GP2: variants seen among roughly 807,000 people sequenced by gnomAD.
GP2 encodes the protein pancreatic secretory granule membrane major glycoprotein GP2.
A neutral mutation model predicts 60.8 loss-of-function variants in GP2; 58 were observed. The observed-to-expected ratio is 0.95, with a 90% CI of 0.77 to 1.19. GP2 has a LOEUF of 1.19. Among genes scored for constraint, GP2 ranks in the 50% most tolerant of loss-of-function variants. GP2 has a pLI of 0.00. For missense variants in GP2, 647 were observed against 667.4 expected (o/e 0.97, Z 0.34); for synonymous variants, 280 against 253.4 (o/e 1.10, Z -1.00).
At chr16:20,319,589 A>G in intron 6 of GP2, 31 bp downstream of exon 6, 1 of 1,559,846 alleles carries the variant, frequency 6.4e-7, no homozygotes, top group Non-Finnish European at 8.8e-7. Context: ...TGCCAGGGTT[A>G]TGGGTCAAAG....
intron 6 of GP2, among the ~76,000 whole-genome samples, chr16:20,319,154 G>C (rs12051331): frequency 1.3e-5 from 2 of 151,858 alleles, no homozygotes; most frequent in Non-Finnish European, 2.9e-5. Context: ...TCTCACGTCT[G>C]CAGGGAAGCT....
chr16:20,316,947 C>A (rs1445846691), intron 8 of GP2, among the ~76,000 whole-genome samples: 2 of 148,882 alleles, frequency 1.3e-5, no homozygotes, highest in Non-Finnish European at 3.0e-5. Context: ...CCTTCCCTCC[C>A]TCCTTCTCCT....
intron 4 of GP2, among the ~76,000 whole-genome samples, chr16:20,321,717 C>T (rs962750009): frequency 3.9e-5 from 6 of 151,956 alleles, no homozygotes; most frequent in East Asian, 1.9e-4. Flanking sequence ...AGTTCAGAGG[C>T]GCAGGAACCT....
Position 20,320,363 on chromosome 16 carries a change from G to T in GP2, c.757C>A (p.Leu253Met), listed in dbSNP as rs1390353891. The T allele has an allele frequency of 6.2e-7, 1 of 1,613,910 alleles. No individual in the cohort carries two copies. The highest frequency in any genetic ancestry group is 8.5e-7 in the Non-Finnish European group (1 of 1,179,798). The change falls in exon 5 of 11, where the codon CTG (leucine) becomes ATG (methionine). Residue 253 changes from leucine to methionine, a missense_variant. Coordinates refer to ENST00000302555, the MANE Select transcript of GP2 (RefSeq NM_001502.4). ...ATGCTGCTGCAGTTTGGGTCTCGCA[G>T]GTAGGCAATGACCTCCTCCCCCAAA... ...LGLGEEVIAY[L>M]RDPNCSSILQ...
Position 20,324,120 on chromosome 16 carries a change from C to A in GP2, c.231G>T (p.Glu77Asp). 6.2e-7 allele frequency: 1 copy of A among 1,614,120 alleles called. No homozygotes were observed. The highest frequency in any genetic ancestry group is 8.5e-7 in the Non-Finnish European group (1 of 1,179,940). ...TLLDEPFRST[E>D]NSAGSQGCDK... is the part of the protein sequence containing the mutation. ...CGCACCCCTGGGACCCTGCTGAGTT[C>A]TCTGTGCTTCGGAAGGGTTCATCCA... The change falls in exon 3 of 11, where the codon GAG becomes GAT. Residue 77 changes from glutamate to aspartate, a missense_variant. Transcript: ENST00000302555.
At chr16:20,327,376 A>C (rs541341030) in intron 1 of GP2, 91 bp downstream of exon 1, 1 of 979,776 alleles carries the variant, frequency 1.0e-6, no homozygotes, top group Admixed American at 3.3e-5. Flanking sequence ...GGTTCTAAAA[A>C]TTTCCAGAAA....
intron 1 of GP2, chr16:20,326,748 T>C (rs922817399): frequency 5.6e-5 from 14 of 249,782 alleles, no homozygotes; most frequent in South Asian, 3.6e-4. Flanking sequence ...AGGGATATGG[T>C]ACCTGTGAAT....
chr16:20,319,775 C>CA lies in GP2; in HGVS notation c.859-8dup, dbSNP rs1300442715. 4 of 1,604,302 alleles carry CA rather than the reference C, an allele frequency of 2.5e-6. No homozygotes were observed. The highest frequency in any genetic ancestry group is 1.7e-6 in the Non-Finnish European group (2 of 1,173,444). On this transcript the variant is annotated splice_polypyrimidine_tract_variant and splice_region_variant and intron_variant, in intron 5 of 10. Transcript: ENST00000302555. ...TGGCATGGGTTTGATTTCTCTTTGG[C>CA]AAAAAAACAAAACCATACAGATGTT... is the stretch of plus-strand genomic sequence containing the variant.
intron 4 of GP2, among the ~76,000 whole-genome samples, chr16:20,321,241 T>C (rs1360670688): frequency 1.3e-5 from 2 of 152,098 alleles, no homozygotes; most frequent in Non-Finnish European, 2.9e-5. Flanking sequence ...TTCTGTATTT[T>C]TATAAAGATG....
At chr16:20,325,140 T>G (rs74011919) in intron 2 of GP2, among the ~76,000 whole-genome samples, 1 of 152,304 alleles carries the variant, frequency 6.6e-6, no homozygotes, top group Middle Eastern at 3.4e-3. Flanking sequence ...CACAGGCTGG[T>G]CAGGCTGAGT....
In GP2 at chr16:20,323,657, G is replaced by C. The variant is rs150829417; in HGVS notation, c.535+159C>G. The C allele has an allele frequency of 1.0e-3, 612 of 612,536 alleles. 7 individuals are homozygous for C. The East Asian group carries it at 0.013, about 13-fold the overall frequency. 37.9% of individuals were successfully genotyped at this position (612,536 alleles called of 1,614,324 possible). ...GAATTTCTGGCTTGAAATGTTGGAAGGTCTCAACCCCTGTGTTGAGTTCTC... is the reference window on the plus strand; with the variant it reads ...GAATTTCTGGCTTGAAATGTTGGAACGTCTCAACCCCTGTGTTGAGTTCTC... On this transcript the variant is annotated intron_variant, in intron 3 of 10. Transcript: ENST00000302555.
Position 20,318,219 on chromosome 16 carries a change from C to A in GP2, c.1219G>T (p.Ala407Ser). ...NCYATPTEDKADLVKYFIIRN... is the reference protein window; with the variant it reads ...NCYATPTEDKSDLVKYFIIRN... ...ATGATGAAATACTTCACAAGGTCAG[C>A]CTTGTCTTCAGTGGGGGTGGCATAG... Residue 407 changes from alanine (A) to serine (S), a missense_variant, in exon 7 of 11, where the codon GCT becomes TCT. By Grantham distance (99) the Ala-to-Ser change is moderately conservative. Transcript: ENST00000302555. 6.2e-7 allele frequency: 1 copy of A among 1,613,468 alleles called. No individual in the cohort carries two copies. Among genetic ancestry groups the A allele is most frequent in the Non-Finnish European group, 8.5e-7 (1 of 1,179,378 alleles).
At chr16:20,316,146 G>T in intron 8 of GP2, 106 bp from the exon 9 acceptor site, 2 of 697,524 alleles carry the variant, frequency 2.9e-6, no homozygotes, top group African/African-American at 1.8e-5. Flanking sequence ...GTCCAGAACT[G>T]GTTCACGCTA....
rs1053425597 is a variant in GP2, at chr16:20,311,237, C to A, written c.1591G>T (p.Ala531Ser). Reference sequence around the variant, plus strand: ...CAGCGGAGCTCTCAGAACAGCCAAGCCAGGAGGACAGTCAGGAGGACCATA... The same window carrying A: ...CAGCGGAGCTCTCAGAACAGCCAAGACAGGAGGACAGTCAGGAGGACCATA... ...WPMVLLTVLL[A>S]WLF The change falls in exon 11 of 11, where the codon GCT (alanine) becomes TCT (serine). Residue 531 changes from alanine (A) to serine (S), a missense_variant. Transcript: ENST00000302555. 6.2e-7 allele frequency: 1 copy of A among 1,609,732 alleles called. No homozygotes were observed. Among genetic ancestry groups the A allele is most frequent in the Non-Finnish European group, 8.5e-7 (1 of 1,176,246 alleles).
intron 9 of GP2, 79 bp downstream of exon 9, chr16:20,315,877 G>T: frequency 1.2e-6 from 1 of 840,632 alleles, no homozygotes. Context: ...CTGAGAAGTT[G>T]AGTTGGTGAC....
In GP2 at chr16:20,314,360, T is replaced by A. The variant is rs111262075; in HGVS notation, c.1546+297A>T. ...TTTCTAAAGTACCATGTTTACTTTT[T>A]TATTTTCTACTTTCCACACTGGTGC... On this transcript the variant is annotated intron_variant, in intron 10 of 10. Coordinates refer to ENST00000302555, the MANE Select transcript of GP2 (RefSeq NM_001502.4). 8.0e-3 allele frequency among the ~76,000 whole-genome samples: 1,212 copies of A among 152,266 alleles called. 14 individuals are homozygous for A. The highest frequency in any genetic ancestry group is 0.028 in the African/African-American group (1,167 of 41,542).
In GP2 at chr16:20,318,668, G is replaced by A. The variant is rs76652719; in HGVS notation, c.1008-238C>T. ...AGGACAGGTTACACATATCTCCCTT[G>A]CTGAAGGAATAACTGAGTGTATACC... is the stretch of plus-strand genomic sequence containing the variant. On this transcript the variant is annotated intron_variant, in intron 6 of 10. Coordinates refer to ENST00000302555, the MANE Select transcript of GP2 (RefSeq NM_001502.4). Among the ~76,000 whole-genome samples the A allele has an allele frequency of 2.1e-4, 32 of 152,290 alleles. 1 individual carries two copies. The East Asian group carries it at 5.2e-3, about 25-fold the overall frequency.
chr16:20,318,231 TG>T lies in GP2; in HGVS notation c.1206del (p.Thr403LeufsTer8). On this transcript the variant is annotated frameshift_variant, in exon 7 of 11. Coordinates refer to ENST00000302555, the MANE Select transcript of GP2 (RefSeq NM_001502.4). LOFTEE classifies it high-confidence loss of function. ...TTCACAAGGTCAGCCTTGTCTTCAG[TG>T]GGGGTGGCATAGCAGTTCCTCAACA... is the stretch of plus-strand genomic sequence containing the variant. ...NLVLRNCYAT[P>X]TEDKADLVKY... 3 of 1,612,994 alleles carry T rather than the reference TG, an allele frequency of 1.9e-6. No homozygotes were observed. Among genetic ancestry groups the T allele is most frequent in the Non-Finnish European group, 2.5e-6 (3 of 1,178,960 alleles).
chr16:20,323,773 T>C, intron 3 of GP2, 43 bp downstream of exon 3: 2 of 1,330,146 alleles, frequency 1.5e-6, no homozygotes, highest in Non-Finnish European at 2.1e-6. Context: ...GGGAGGCATC[T>C]CATTGGCTGT....
Sources: gnomAD v4.1 joint callset for allele counts (sites outside exome capture counted in the v4.1 genomes callset) on GRCh38, gnomAD v4.1.1 for gene constraint, MANE v1.5 for transcripts, NCBI Gene and HGNC (gene_info 2026-07-23, HGNC 2026-07-21) for gene names.